The following TUSC3 variants were observed in gnomAD, a reference collection of about 807,000 sequenced individuals.
TUSC3 encodes the protein tumor suppressor candidate 3, also known as dolichyl-diphosphooligosaccharide--protein glycosyltransferase subunit TUSC3.
TUSC3 carries 45 observed loss-of-function variants against 44.8 expected under a neutral mutation model. The observed-to-expected ratio is 1.00, with a 90% CI of 0.79 to 1.29. The LOEUF (loss-of-function observed/expected upper bound fraction) is 1.29, where lower values mean the gene tolerates loss of function less well. Ranked by LOEUF, TUSC3 falls within the 50% of genes most tolerant of loss-of-function variation. TUSC3 has a pLI of 0.00. For synonymous variants in TUSC3, 212 were observed against 152.9 expected, an observed-to-expected ratio of 1.39 and a Z score of -2.85; for missense variants, 519 against 437.9, an observed-to-expected ratio of 1.19 and a Z score of -1.65.
At chr8:15,717,224 T>C (rs532678692) in intron 6 of TUSC3, among the ~76,000 whole-genome samples, 1 of 152,162 alleles carries the variant, frequency 6.6e-6, no homozygotes, top group South Asian at 2.1e-4. Flanking sequence ...GAAAAAAACT[T>C]CATTAAAGGA....
intron 2 of TUSC3, among the ~76,000 whole-genome samples, chr8:15,513,601 G>C (rs1251124018): frequency 2.0e-5 from 3 of 152,176 alleles, no homozygotes; most frequent in African/African-American, 7.2e-5. Flanking sequence ...CTGTCTTAGT[G>C]ACGGTAGATT....
the TUSC3 span, among the ~76,000 whole-genome samples, chr8:15,841,037 A>C: frequency 6.6e-6 from 1 of 152,180 alleles, no homozygotes; most frequent in Non-Finnish European, 1.5e-5. Flanking sequence ...CCTTTAGTCC[A>C]ATTAAAACCT....
intron 2 of TUSC3, among the ~76,000 whole-genome samples, chr8:15,518,981 A>T (rs1047559792): frequency 6.6e-6 from 1 of 152,196 alleles, no homozygotes; most frequent in Non-Finnish European, 1.5e-5. Flanking sequence ...CAATATATTA[A>T]ATCTCTGTAT....
intron 1 of TUSC3, among the ~76,000 whole-genome samples, chr8:15,423,674 C>G (rs546430698): frequency 3.3e-5 from 5 of 152,302 alleles, no homozygotes; most frequent in African/African-American, 9.6e-5. Flanking sequence ...CCCTGGTTCT[C>G]TCTTGATCCT....
chr8:15,522,171 C>T (rs754051423), intron 2 of TUSC3, among the ~76,000 whole-genome samples: 1 of 152,000 alleles, frequency 6.6e-6, no homozygotes, highest in Non-Finnish European at 1.5e-5. Context: ...GGTAGCTTTA[C>T]CAAGCTGTTC....
chr8:15,784,842 C>G, the TUSC3 span, among the ~76,000 whole-genome samples: 1 of 151,974 alleles, frequency 6.6e-6, no homozygotes, highest in Non-Finnish European at 1.5e-5. Context: ...TATTGCACAG[C>G]AACTACAGTC....
intron 1 of TUSC3, among the ~76,000 whole-genome samples, chr8:15,564,398 AAAG>A (rs551845441): frequency 4.5e-4 from 68 of 152,286 alleles, no homozygotes; most frequent in African/African-American, 1.4e-3. Context: ...GTATTATAAA[AAAG>A]AAAATTGTGG....
intron 2 of TUSC3, among the ~76,000 whole-genome samples, chr8:15,534,360 C>A (rs551355796): frequency 6.6e-6 from 1 of 151,956 alleles, no homozygotes; most frequent in African/African-American, 2.4e-5. Context: ...AAACTTTAGC[C>A]GGGCTGGGCG....
intron 1 of TUSC3, among the ~76,000 whole-genome samples, chr8:15,565,956 C>G (rs1802652544): frequency 6.6e-6 from 1 of 152,042 alleles, no homozygotes; most frequent in Admixed American, 6.6e-5. Flanking sequence ...TTAATTCATT[C>G]TTACTAATAA....
chr8:15,429,614 C>G (rs536177075), intron 1 of TUSC3, among the ~76,000 whole-genome samples: 6 of 151,604 alleles, frequency 4.0e-5, no homozygotes, highest in African/African-American at 1.2e-4. Context: ...TGAACATGGA[C>G]TGTTCTTCCA....
At chr8:15,747,980 A>G (rs1242927388) in intron 8 of TUSC3, among the ~76,000 whole-genome samples, 1 of 152,132 alleles carries the variant, frequency 6.6e-6, no homozygotes, top group Non-Finnish European at 1.5e-5. Context: ...TGTTCCTGCT[A>G]ATATAGCCAA....
chr8:15,539,194 T>G (rs1199255158), upstream of TUSC3, among the ~76,000 whole-genome samples: 2 of 151,894 alleles, frequency 1.3e-5, no homozygotes, highest in Non-Finnish European at 2.9e-5. Context: ...TGTGCTATTT[T>G]AAGAAGGCGT....
intron 1 of TUSC3, among the ~76,000 whole-genome samples, chr8:15,608,990 A>T (rs1804649741): frequency 6.6e-6 from 1 of 152,198 alleles, no homozygotes; most frequent in South Asian, 2.1e-4. Context: ...GTTTAAGTTG[A>T]TGAAAAACAA....
Position 15,626,117 on chromosome 8 carries a change from C to T in TUSC3, c.308+2868C>T, listed in dbSNP as rs553821856. ...CCCGTGTGCACCGTGCCCCCTGTGC[C>T]CTGTGTCCCCAAGGTAGCTGACTGT... On this transcript the variant is annotated intron_variant, in intron 2 of 10. Coordinates refer to ENST00000503731, the MANE Select transcript of TUSC3 (RefSeq NM_006765.4). 2.0e-5 allele frequency among the ~76,000 whole-genome samples: 3 copies of T among 152,246 alleles called. No individual in the cohort carries two copies. In the South Asian group the frequency reaches 6.2e-4, roughly 32 times the overall value.
chr8:15,556,007 TA>T (rs1300427971), intron 1 of TUSC3, among the ~76,000 whole-genome samples: 12 of 151,220 alleles, frequency 7.9e-5, no homozygotes, highest in Admixed American at 7.3e-4. Flanking sequence ...TTTTATTTTT[TA>T]TTTTTTTTTT....
rs566632521 is a variant in TUSC3, at chr8:15,573,456, T to A, written c.138+32888T>A. Among the ~76,000 whole-genome samples, 10 of 151,994 alleles carry A rather than the reference T, an allele frequency of 6.6e-5. No homozygotes were observed. The South Asian group carries it at 2.1e-3, about 32-fold the overall frequency. ...GCCACACTTCCGTAGATTGTGCTGC[T>A]GAAGATAGAAGGAGCCCAGTGGGTT... On this transcript the variant is annotated intron_variant, in intron 1 of 10. Coordinates refer to ENST00000503731, the MANE Select transcript of TUSC3 (RefSeq NM_006765.4).
At chr8:15,584,743 A>G (rs1158244428) in intron 1 of TUSC3, among the ~76,000 whole-genome samples, 1 of 152,144 alleles carries the variant, frequency 6.6e-6, no homozygotes, top group Non-Finnish European at 1.5e-5. Context: ...AATCCCAGGT[A>G]GTGAGAACAG....
chr8:15,764,299 A>G lies in TUSC3; in HGVS notation c.*143A>G, dbSNP rs1812267164. On this transcript the variant is annotated 3_prime_UTR_variant, in exon 11 of 11. Coordinates refer to ENST00000503731, the MANE Select transcript of TUSC3 (RefSeq NM_006765.4). ...ACTTTATACTATTTTGAATTCATTC[A>G]TTTCATTGTGATCAGCTAGCTTATT... The G allele has an allele frequency of 4.1e-6, 6 of 1,447,700 alleles. No homozygotes were observed. The highest frequency in any genetic ancestry group is 1.8e-5 in the Admixed American group (1 of 57,136). The allele number at this position is 1,447,700 out of a possible 1,614,324, so 89.7% of individuals were successfully genotyped here. A position where few individuals can be genotyped will look rare whatever the true frequency, so the allele number is the denominator to read the frequency against.
At chr8:15,481,258 A>G (rs1800656884) in intron 1 of TUSC3, among the ~76,000 whole-genome samples, 1 of 151,874 alleles carries the variant, frequency 6.6e-6, no homozygotes, top group Non-Finnish European at 1.5e-5. Context: ...AAAAAAAAAA[A>G]AAAAAAAAAA....
Sources: gnomAD v4.1 joint callset for allele counts (sites outside exome capture counted in the v4.1 genomes callset) on GRCh38, gnomAD v4.1.1 for gene constraint, MANE v1.5 for transcripts, NCBI Gene and HGNC (gene_info 2026-07-23, HGNC 2026-07-21) for gene names.